TBC1D4: variants seen among roughly 807,000 people sequenced by gnomAD.
TBC1D4 encodes the protein TBC (Tre-2, BUB2, CDC16) domain-containing protein.
Under a neutral mutation model 142.5 loss-of-function variants are expected in TBC1D4, and 121 were observed. The ratio of observed to expected loss-of-function variants is 0.85; its 90% CI spans 0.73 to 0.99. The LOEUF (loss-of-function observed/expected upper bound fraction) is 0.99. TBC1D4 is among the 50% of genes least tolerant of loss of function. The pLI is 0.00. For synonymous variants in TBC1D4, 630 were observed against 628.2 expected, an observed-to-expected ratio of 1.00 and a Z score of -0.04; for missense variants, 1,475 against 1,606.6, an observed-to-expected ratio of 0.92 and a Z score of 1.40.
intron 1 of TBC1D4, 128 bp downstream of exon 1, chr13:75,481,142 C>A: frequency 7.2e-7 from 1 of 1,390,426 alleles, no homozygotes; most frequent in Admixed American, 2.6e-5. Context: ...TTGAGCGCGC[C>A]ACGTGGAGCG....
chr13:75,299,646 T>C (rs1876317073), intron 16 of TBC1D4, 72 bp from the exon 17 acceptor site: 2 of 1,568,338 alleles, frequency 1.3e-6, no homozygotes, highest in African/African-American at 1.4e-5. Context: ...AAATTGCAAT[T>C]CAGTGACCTC....
At chr13:75,458,843 C>G (rs979797943) in intron 1 of TBC1D4, among the ~76,000 whole-genome samples, 1 of 152,080 alleles carries the variant, frequency 6.6e-6, no homozygotes, top group South Asian at 2.1e-4. Context: ...GCTATGTGCT[C>G]TCCTGGGGGC....
intron 1 of TBC1D4, among the ~76,000 whole-genome samples, chr13:75,442,905 T>C (rs1263619120): frequency 6.6e-6 from 1 of 152,216 alleles, no homozygotes; most frequent in Non-Finnish European, 1.5e-5. Context: ...TCTGTGCCTC[T>C]TCTCTCTGCC....
At chr13:75,466,257 G>T (rs920667414) in intron 1 of TBC1D4, among the ~76,000 whole-genome samples, 1 of 152,204 alleles carries the variant, frequency 6.6e-6, no homozygotes, top group Admixed American at 6.5e-5. Context: ...AAACTTAGCA[G>T]AAGTTAGTTA....
At chr13:75,378,204 A>G (rs1048075758) in intron 1 of TBC1D4, among the ~76,000 whole-genome samples, 1 of 152,174 alleles carries the variant, frequency 6.6e-6, no homozygotes, top group Non-Finnish European at 1.5e-5. Context: ...GTTCAATTTT[A>G]CTAAAAGTTG....
chr13:75,389,701 T>C (rs1218458231), intron 1 of TBC1D4, among the ~76,000 whole-genome samples: 1 of 152,208 alleles, frequency 6.6e-6, no homozygotes, highest in Non-Finnish European at 1.5e-5. Context: ...AAATTAGTCA[T>C]ATGAATTATT....
At chr13:75,384,363 G>A (rs1426625797) in intron 1 of TBC1D4, among the ~76,000 whole-genome samples, 1 of 152,050 alleles carries the variant, frequency 6.6e-6, no homozygotes, top group African/African-American at 2.4e-5. Flanking sequence ...TTGAACCCGG[G>A]AGGCAGAGGT....
At position 75,465,517 on chromosome 13, in the gene TBC1D4, G is replaced by A. The variant is rs1046895630; in HGVS notation, c.498+15753C>T. On this transcript the variant is annotated intron_variant, in intron 1 of 20. Coordinates refer to ENST00000377636, the MANE Select transcript of TBC1D4 (RefSeq NM_014832.5). Reference sequence around the variant, plus strand: ...ATGACTAATTACAGAAGGGTGGAGAGCGGAGCTTCAATTTCCTGGTTCCAG... The same window carrying A: ...ATGACTAATTACAGAAGGGTGGAGAACGGAGCTTCAATTTCCTGGTTCCAG... Among the ~76,000 whole-genome samples, 10 of 152,306 alleles carry A rather than the reference G, an allele frequency of 6.6e-5. No homozygotes were observed. The East Asian group carries it at 1.2e-3, about 18-fold the overall frequency.
chr13:75,346,792 T>C (rs1881187313), intron 5 of TBC1D4, among the ~76,000 whole-genome samples: 2 of 152,172 alleles, frequency 1.3e-5, no homozygotes, highest in Admixed American at 6.5e-5. Context: ...CATTATACTA[T>C]GTACTTTTCC....
rs576572791 is a variant in TBC1D4, at chr13:75,362,053, C to A, written c.1053G>T (p.Ser351=). The A allele has an allele frequency of 1.9e-6, 3 of 1,614,114 alleles. No homozygotes were observed. Among genetic ancestry groups the A allele is most frequent in the Non-Finnish European group, 2.5e-6 (3 of 1,180,012 alleles). ...SAPSHVQPSD[S]EKNRTMLFQV... ...GGAAGAGCATGGTCCTGTTCTTCTCCGAGTCCGAGGGCTGGACGTGACTGG... is the reference window on the plus strand; with the variant it reads ...GGAAGAGCATGGTCCTGTTCTTCTCAGAGTCCGAGGGCTGGACGTGACTGG... Residue 351 remains serine (S), a synonymous_variant, in exon 2 of 21, where the codon TCG becomes TCT. Coordinates refer to ENST00000377636, the MANE Select transcript of TBC1D4 (RefSeq NM_014832.5). The surrounding 1 kb of genome is among the most constrained non-coding windows in gnomAD (Gnocchi z 4.2).
At chr13:75,304,546 A>C (rs114888601) in intron 15 of TBC1D4, among the ~76,000 whole-genome samples, 1,860 of 152,278 alleles carry the variant, frequency 0.012, 39 homozygotes, top group African/African-American at 0.043. Flanking sequence ...AAGTATAATA[A>C]ATCACGAAAA....
At chr13:75,455,196 C>T (rs1593904873) in intron 1 of TBC1D4, among the ~76,000 whole-genome samples, 2 of 152,166 alleles carry the variant, frequency 1.3e-5, no homozygotes, top group African/African-American at 4.8e-5. Flanking sequence ...AACCCTCACA[C>T]TCCACTGCCT....
chr13:75,373,001 T>C (rs570459377), intron 1 of TBC1D4, among the ~76,000 whole-genome samples: 1 of 152,282 alleles, frequency 6.6e-6, no homozygotes, highest in African/African-American at 2.4e-5. Flanking sequence ...AAACTGAATA[T>C]TTAATAGGTA....
At position 75,304,592 on chromosome 13, in the gene TBC1D4, G is replaced by A. The variant is rs140762729; in HGVS notation, c.2752+1721C>T. On this transcript the variant is annotated intron_variant, in intron 15 of 20. Transcript: ENST00000377636. ...AGTACAATGAACTGATTTTGGTCGG[G>A]GGGCAGGGGTGGTGCTCTGAGGAAA... is the stretch of plus-strand genomic sequence containing the variant. Among the ~76,000 whole-genome samples, 8 of 152,284 alleles carry A rather than the reference G, an allele frequency of 5.3e-5. No individual in the cohort carries two copies. The East Asian group carries it at 5.8e-4, about 11-fold the overall frequency.
chr13:75,293,433 G>A (rs909499967), intron 18 of TBC1D4, among the ~76,000 whole-genome samples: 1 of 152,184 alleles, frequency 6.6e-6, no homozygotes, highest in African/African-American at 2.4e-5. Flanking sequence ...AACTGATACT[G>A]AGGACATTTG....
intron 10 of TBC1D4, among the ~76,000 whole-genome samples, chr13:75,324,900 G>A (rs987429753): frequency 6.6e-6 from 1 of 152,168 alleles, no homozygotes; most frequent in Non-Finnish European, 1.5e-5. Context: ...TAATGTCCGT[G>A]TTCTTTCCTG....
At chr13:75,424,456 T>G (rs1048544268) in intron 1 of TBC1D4, among the ~76,000 whole-genome samples, 1 of 152,086 alleles carries the variant, frequency 6.6e-6, no homozygotes. Context: ...GATCTACAGA[T>G]TCAATGCAAT....
intron 1 of TBC1D4, among the ~76,000 whole-genome samples, chr13:75,441,839 C>G (rs1887054905): frequency 6.6e-6 from 1 of 152,216 alleles, no homozygotes; most frequent in African/African-American, 2.4e-5. Flanking sequence ...CAGCAACCAT[C>G]ACAGTCTGAT....
At chr13:75,298,566 C>A (rs1445328132) in intron 17 of TBC1D4, among the ~76,000 whole-genome samples, 1 of 152,150 alleles carries the variant, frequency 6.6e-6, no homozygotes, top group Admixed American at 6.5e-5. Flanking sequence ...GCCTGGCCAA[C>A]ATGGTGAAAC....
Sources: gnomAD v4.1 joint callset for allele counts (sites outside exome capture counted in the v4.1 genomes callset) on GRCh38, gnomAD v4.1.1 for gene constraint, Gnocchi (gnomAD v3.1) non-coding constraint, MANE v1.5 for transcripts, NCBI Gene and HGNC (gene_info 2026-07-23, HGNC 2026-07-21) for gene names.